The following PIGK variants were observed in gnomAD, a reference collection of about 807,000 sequenced individuals.
The protein encoded by PIGK is GPI-anchor transamidase.
Under a neutral mutation model 50.6 loss-of-function variants are expected in PIGK, and 42 were observed. That is an observed-to-expected ratio of 0.83 (90% CI 0.65 to 1.07). The LOEUF is 1.07. Among genes scored for constraint, PIGK ranks in the 50% least tolerant of loss-of-function variants. The pLI is 0.00. For missense variants in PIGK, 448 were observed against 488.7 expected (o/e 0.92, Z 0.78); for synonymous variants, 151 against 156.0 (o/e 0.97, Z 0.24).
intron 9 of PIGK, among the ~76,000 whole-genome samples, chr1:77,141,393 A>C (rs954036007): frequency 1.3e-5 from 2 of 152,192 alleles, no homozygotes; most frequent in Non-Finnish European, 2.9e-5. Flanking sequence ...TAAGGAACAG[A>C]GAACGGCTCT....
intron 9 of PIGK, among the ~76,000 whole-genome samples, chr1:77,133,487 T>A (rs2100537223): frequency 6.6e-6 from 1 of 152,306 alleles, no homozygotes; most frequent in East Asian, 1.9e-4. Flanking sequence ...AGTTTGCTTC[T>A]ATATTCTGTG....
Position 77,198,693 on chromosome 1 carries a change from T to C in PIGK, c.239+7947A>G, listed in dbSNP as rs148129597. On this transcript the variant is annotated intron_variant, in intron 3 of 10. Coordinates refer to ENST00000370812, the MANE Select transcript of PIGK (RefSeq NM_005482.3). ...TTTAAAAAGCTACCAAAGATGTTTATGGAGAAAAATTAAAAAATTATAAAA... is the reference window on the plus strand; with the variant it reads ...TTTAAAAAGCTACCAAAGATGTTTACGGAGAAAAATTAAAAAATTATAAAA... 3.5e-3 allele frequency among the ~76,000 whole-genome samples: 536 copies of C among 152,028 alleles called. 3 individuals are homozygous for C. The Middle Eastern group carries it at 0.041, about 12-fold the overall frequency.
At chr1:77,174,445 C>T (rs561385115) in intron 3 of PIGK, among the ~76,000 whole-genome samples, 2 of 152,144 alleles carry the variant, frequency 1.3e-5, no homozygotes, top group African/African-American at 2.4e-5. Context: ...AAATCTAAGA[C>T]TCTGTTCTGT....
chr1:77,097,283 G>A (rs1004621209), intron 10 of PIGK, among the ~76,000 whole-genome samples: 4 of 152,102 alleles, frequency 2.6e-5, no homozygotes, highest in African/African-American at 9.7e-5. Flanking sequence ...CACCATGCCA[G>A]GAATTGCTTT....
At chr1:77,218,897 T>C (rs1282348707) in intron 1 of PIGK, among the ~76,000 whole-genome samples, 1 of 152,192 alleles carries the variant, frequency 6.6e-6, no homozygotes, top group Non-Finnish European at 1.5e-5. Context: ...TCCCATGTTC[T>C]AATTATCACT....
chr1:77,112,369 G>A (rs1395300802), intron 10 of PIGK, among the ~76,000 whole-genome samples: 1 of 152,014 alleles, frequency 6.6e-6, no homozygotes, highest in Non-Finnish European at 1.5e-5. Context: ...GCATGAGGCT[G>A]AAGGGAACTG....
chr1:77,100,298 A>C (rs1234417068), intron 10 of PIGK, among the ~76,000 whole-genome samples: 2 of 152,172 alleles, frequency 1.3e-5, no homozygotes, highest in Non-Finnish European at 2.9e-5. Flanking sequence ...TTATAGTTAT[A>C]ATTATTTCAG....
At chr1:77,107,395 A>T (rs1167429293) in intron 10 of PIGK, among the ~76,000 whole-genome samples, 2 of 152,070 alleles carry the variant, frequency 1.3e-5, no homozygotes, top group African/African-American at 4.8e-5. Flanking sequence ...GTAGTTGAGC[A>T]GTTTTCAGTG....
At chr1:77,188,594 T>C (rs555281935) in intron 3 of PIGK, among the ~76,000 whole-genome samples, 12 of 152,300 alleles carry the variant, frequency 7.9e-5, no homozygotes, top group Admixed American at 2.0e-4. Flanking sequence ...CCTTGTGATA[T>C]TCTATTACCC....
At position 77,124,616 on chromosome 1, in the gene PIGK, AC is replaced by A. The variant is rs1390633770; in HGVS notation, c.987-2258del. On this transcript the variant is annotated intron_variant, in intron 9 of 10. Transcript: ENST00000370812. ...AGAGCAAGAGTCTCAAAACAAACAA[AC>A]AACAAAAAAAAAAACACACACACGC... Among the ~76,000 whole-genome samples, 365 of 148,264 alleles carry A rather than the reference AC, an allele frequency of 2.5e-3. 1 individual carries two copies. The highest frequency in any genetic ancestry group is 8.4e-3 in the African/African-American group (336 of 40,166).
intron 9 of PIGK, among the ~76,000 whole-genome samples, chr1:77,148,325 C>T (rs1237302687): frequency 6.6e-6 from 1 of 152,076 alleles, no homozygotes; most frequent in Non-Finnish European, 1.5e-5. Flanking sequence ...GAATAAAGTA[C>T]ACCAATAATT....
At chr1:77,198,265 A>T (rs1570258245) in intron 3 of PIGK, among the ~76,000 whole-genome samples, 1 of 152,050 alleles carries the variant, frequency 6.6e-6, no homozygotes, top group Admixed American at 6.6e-5. Context: ...TAATCTCAAT[A>T]CCCAATTCTA....
chr1:77,115,210 T>C (rs559968637), intron 10 of PIGK, among the ~76,000 whole-genome samples: 10 of 152,156 alleles, frequency 6.6e-5, no homozygotes, highest in Non-Finnish European at 8.8e-5. Context: ...TGTAAAGAGC[T>C]AGAATTACAG....
At chr1:77,167,338 C>A (rs899271125) in intron 4 of PIGK, among the ~76,000 whole-genome samples, 1 of 151,576 alleles carries the variant, frequency 6.6e-6, no homozygotes, top group Non-Finnish European at 1.5e-5. Context: ...TAGAAAAAAA[C>A]AAAAAACAAA....
intron 9 of PIGK, among the ~76,000 whole-genome samples, chr1:77,151,032 C>A (rs1471451740): frequency 6.6e-6 from 1 of 151,812 alleles, no homozygotes; most frequent in African/African-American, 2.4e-5. Context: ...GACAAGGCCA[C>A]CACACACACA....
Position 77,115,463 on chromosome 1 carries a change from T to C in PIGK, c.1071+6812A>G, listed in dbSNP as rs180960270. 4.4e-3 allele frequency among the ~76,000 whole-genome samples: 666 copies of C among 151,066 alleles called. 5 individuals are homozygous for C. Among genetic ancestry groups the C allele is most frequent in the African/African-American group, 0.016 (644 of 41,140 alleles). ...CATTTTTTTTTTTTTAGCATCACAA[T>C]GACTAAGCAGTGCTATTGGCAACCA... On this transcript the variant is annotated intron_variant, in intron 10 of 10. Coordinates refer to ENST00000370812, the MANE Select transcript of PIGK (RefSeq NM_005482.3).
At chr1:77,147,558 C>A (rs1435559875) in intron 9 of PIGK, among the ~76,000 whole-genome samples, 1 of 152,156 alleles carries the variant, frequency 6.6e-6, no homozygotes, top group Non-Finnish European at 1.5e-5. Flanking sequence ...TTTACAGTCA[C>A]AACCTGGAGG....
intron 9 of PIGK, among the ~76,000 whole-genome samples, chr1:77,134,717 A>G (rs1408738430): frequency 6.6e-6 from 1 of 152,220 alleles, no homozygotes; most frequent in Non-Finnish European, 1.5e-5. Flanking sequence ...TTTTAAAAAT[A>G]CGATTTAATC....
intron 6 of PIGK, among the ~76,000 whole-genome samples, 153 bp downstream of exon 6, chr1:77,163,693 C>T (rs1256219903): frequency 6.6e-6 from 1 of 151,926 alleles, no homozygotes; most frequent in African/African-American, 2.4e-5. Context: ...AAAAACAACC[C>T]AGTTCAGAGG....
Sources: gnomAD v4.1 joint callset for allele counts (sites outside exome capture counted in the v4.1 genomes callset) on GRCh38, gnomAD v4.1.1 for gene constraint, MANE v1.5 for transcripts, NCBI Gene and HGNC (gene_info 2026-07-23, HGNC 2026-07-21) for gene names.